Variants in TMCC1 observed in about 807,000 individuals in gnomAD.
The protein encoded by TMCC1 is transmembrane and coiled-coil domains protein 1.
In TMCC1, 15 loss-of-function variants were observed where a neutral mutation model predicts 52.4. That is an observed-to-expected ratio of 0.29 (90% CI 0.19 to 0.44). The LOEUF is 0.44. Among genes scored for constraint, TMCC1 ranks in the 20% least tolerant of loss-of-function variants. The probability of loss-of-function intolerance (pLI) is 1.00; values close to 1 mark genes in which losing one functional copy is unlikely to be tolerated. For missense variants in TMCC1, 503 were observed against 806.0 expected (o/e 0.62, Z 4.55); for synonymous variants, 279 against 301.9 (o/e 0.92, Z 0.79).
intron 4 of TMCC1, among the ~76,000 whole-genome samples, chr3:129,742,346 GAATA>G (rs1576651414): frequency 6.6e-6 from 1 of 152,048 alleles, no homozygotes; most frequent in African/African-American, 2.4e-5. Flanking sequence ...CTTGTACACA[GAATA>G]TATAAAAAAT....
intron 4 of TMCC1, among the ~76,000 whole-genome samples, chr3:129,826,784 TA>T (rs1028356848): frequency 2.7e-5 from 4 of 148,672 alleles, no homozygotes; most frequent in East Asian, 4.0e-4. Context: ...TAATATCCAA[TA>T]AAAAAAAACC....
At chr3:129,711,616 G>A (rs2048686007) in intron 4 of TMCC1, among the ~76,000 whole-genome samples, 1 of 151,924 alleles carries the variant, frequency 6.6e-6, no homozygotes, top group Non-Finnish European at 1.5e-5. Context: ...AGGCCGAGGT[G>A]GGTGGATTAC....
chr3:129,854,958 G>A (rs1461349885), intron 2 of TMCC1, among the ~76,000 whole-genome samples: 2 of 152,182 alleles, frequency 1.3e-5, no homozygotes, highest in Admixed American at 6.5e-5. Flanking sequence ...ATAAAAATGT[G>A]TTGCATGAAT....
At chr3:129,800,738 A>G (rs1484158183) in intron 4 of TMCC1, among the ~76,000 whole-genome samples, 1 of 152,044 alleles carries the variant, frequency 6.6e-6, no homozygotes, top group Admixed American at 6.5e-5. Context: ...TTTGCTATTT[A>G]ACCTTTCAGC....
chr3:129,779,048 T>C (rs2055296286), intron 4 of TMCC1, among the ~76,000 whole-genome samples: 1 of 152,030 alleles, frequency 6.6e-6, no homozygotes, highest in African/African-American at 2.4e-5. Flanking sequence ...AACAACCGTA[T>C]CTTGATTTGG....
At chr3:129,767,940 T>C (rs2054261123) in intron 4 of TMCC1, among the ~76,000 whole-genome samples, 2 of 152,230 alleles carry the variant, frequency 1.3e-5, no homozygotes, top group Admixed American at 1.3e-4. Flanking sequence ...CCTGTAATCT[T>C]AGCACTTTGG....
At chr3:129,813,203 A>C (rs1394266452) in intron 4 of TMCC1, among the ~76,000 whole-genome samples, 3 of 152,210 alleles carry the variant, frequency 2.0e-5, no homozygotes, top group Non-Finnish European at 4.4e-5. Context: ...ACACTTACAC[A>C]CTGCCAGTAG....
At chr3:129,830,189 T>C (rs746973848) in intron 3 of TMCC1, among the ~76,000 whole-genome samples, 2 of 152,240 alleles carry the variant, frequency 1.3e-5, no homozygotes, top group African/African-American at 4.8e-5. Flanking sequence ...TGATTGTGCA[T>C]TGGTTTTGTT....
chr3:129,746,822 C>T (rs1045806991), intron 4 of TMCC1, among the ~76,000 whole-genome samples: 2 of 152,172 alleles, frequency 1.3e-5, no homozygotes, highest in Admixed American at 1.3e-4. Flanking sequence ...CTGTGCAATG[C>T]CCTGAACACA....
chr3:129,813,028 T>A (rs1031601678), intron 4 of TMCC1, among the ~76,000 whole-genome samples: 4 of 152,124 alleles, frequency 2.6e-5, no homozygotes, highest in African/African-American at 9.7e-5. Context: ...TTTCAAAAGA[T>A]AACATGCATG....
intron 4 of TMCC1, among the ~76,000 whole-genome samples, chr3:129,759,642 A>AGTGATCC (rs1491314716): frequency 6.7e-6 from 1 of 148,638 alleles, no homozygotes; most frequent in African/African-American, 2.5e-5. Flanking sequence ...CCTGGCCTCA[A>AGTGATCC]GTGATCCTCC....
At chr3:129,806,159 T>C (rs997201794) in intron 4 of TMCC1, among the ~76,000 whole-genome samples, 2 of 152,196 alleles carry the variant, frequency 1.3e-5, no homozygotes, top group Non-Finnish European at 2.9e-5. Flanking sequence ...AGTTCTATTC[T>C]AATACAAGTT....
chr3:129,836,412 A>G (rs2059161448), intron 2 of TMCC1, among the ~76,000 whole-genome samples: 1 of 152,242 alleles, frequency 6.6e-6, no homozygotes, highest in Non-Finnish European at 1.5e-5. Flanking sequence ...TACTCTTTCA[A>G]GCAGAAAGAG....
chr3:129,651,624 C>T lies in TMCC1; in HGVS notation c.1819G>A (p.Val607Ile). 6.2e-7 allele frequency: 1 copy of T among 1,614,230 alleles called. No individual in the cohort carries two copies. The highest frequency in any genetic ancestry group is 8.5e-7 in the Non-Finnish European group (1 of 1,180,038). ...ATGAGGGGGACCACACAGTTGGCTA[C>T]AGTGGAGACAAAGACCAAAAGGACT... Reference protein sequence around the residue: ...MAVLLVFVSTVANCVVPLMKT... With the variant: ...MAVLLVFVSTIANCVVPLMKT... Residue 607 changes from valine to isoleucine, a missense_variant, in exon 7 of 7, where the codon GTA becomes ATA. This residue lies in a region of TMCC1 where 50 missense variants were observed against 62.6 expected (regional missense o/e 0.80). Coordinates refer to ENST00000393238, the MANE Select transcript of TMCC1 (RefSeq NM_001017395.5). This position sits in a 1 kb window ranked among gnomAD's most constrained non-coding sequence, Gnocchi z 5.1.
chr3:129,879,599 G>A (rs902685489), intron 2 of TMCC1, among the ~76,000 whole-genome samples: 1 of 152,138 alleles, frequency 6.6e-6, no homozygotes, highest in African/African-American at 2.4e-5. Flanking sequence ...GCTGTGTAAA[G>A]CAAGTAATGA....
In TMCC1 at chr3:129,651,367, G is replaced by T; in HGVS notation, c.*114C>A. On this transcript the variant is annotated 3_prime_UTR_variant, in exon 7 of 7. Coordinates refer to ENST00000393238, the MANE Select transcript of TMCC1 (RefSeq NM_001017395.5). The surrounding 1 kb of genome is among the most constrained non-coding windows in gnomAD (Gnocchi z 5.1). ...AAAAACATTATTCTAAATGTAAACA[G>T]ATTCACTCAACTCTTTTTTTGTTGT... The T allele has an allele frequency of 8.9e-7, 1 of 1,124,622 alleles. No individual in the cohort carries two copies. Among genetic ancestry groups the T allele is most frequent in the Non-Finnish European group, 1.3e-6 (1 of 787,120 alleles). The allele number at this position is 1,124,622 out of a possible 1,614,324, so 69.7% of individuals were successfully genotyped here.
At chr3:129,877,007 A>G (rs2061246854) in intron 2 of TMCC1, among the ~76,000 whole-genome samples, 1 of 152,160 alleles carries the variant, frequency 6.6e-6, no homozygotes, top group Non-Finnish European at 1.5e-5. Context: ...TAAATTTTCC[A>G]ATATTACTTT....
intron 4 of TMCC1, among the ~76,000 whole-genome samples, chr3:129,767,372 C>G (rs1325369913): frequency 6.6e-6 from 1 of 151,364 alleles, no homozygotes; most frequent in East Asian, 1.9e-4. Flanking sequence ...TTACCACAGT[C>G]AATTTTTTTT....
intron 2 of TMCC1, among the ~76,000 whole-genome samples, chr3:129,874,108 G>A (rs1008846824): frequency 2.6e-5 from 4 of 152,144 alleles, no homozygotes; most frequent in African/African-American, 9.7e-5. Context: ...AGGAGGAGAA[G>A]TAAGGACCAG....
Sources: gnomAD v4.1 joint callset for allele counts (sites outside exome capture counted in the v4.1 genomes callset) on GRCh38, gnomAD v4.1.1 for gene constraint, gnomAD v4.1.1 regional missense constraint, Gnocchi (gnomAD v3.1) non-coding constraint, MANE v1.5 for transcripts, NCBI Gene and HGNC (gene_info 2026-07-23, HGNC 2026-07-21) for gene names.